MEDAG: variants seen among roughly 807,000 people sequenced by gnomAD.
MEDAG encodes the protein mesenteric estrogen dependent adipogenesis.
MEDAG carries 25 observed loss-of-function variants against 29.9 expected under a neutral mutation model. The ratio of observed to expected loss-of-function variants is 0.84; its 90% CI spans 0.61 to 1.17. The LOEUF is 1.17. MEDAG is among the 50% of genes most tolerant of loss of function. The pLI, the probability that MEDAG is intolerant of heterozygous loss-of-function variation, is 0.00. For missense variants in MEDAG, 398 were observed against 372.9 expected (o/e 1.07, Z -0.56); for synonymous variants, 158 against 148.2 (o/e 1.07, Z -0.48).
chr13:30,917,027 G>A (rs1275398223), intron 1 of MEDAG, among the ~76,000 whole-genome samples: 3 of 152,166 alleles, frequency 2.0e-5, no homozygotes, highest in African/African-American at 4.8e-5. Flanking sequence ...TGACTCCACT[G>A]GAGAAAATTC....
At chr13:30,910,759 A>G (rs1215601921) in intron 1 of MEDAG, among the ~76,000 whole-genome samples, 1 of 152,212 alleles carries the variant, frequency 6.6e-6, no homozygotes, top group Admixed American at 6.5e-5. Context: ...AATGCAGGTG[A>G]GGTGAAGCGG....
rs371697036 is a variant in MEDAG, at chr13:30,917,425, T to C, written c.301T>C (p.Cys101Arg). 39 of 1,605,868 alleles carry C rather than the reference T, an allele frequency of 2.4e-5. No homozygotes were observed. Among genetic ancestry groups the C allele is most frequent in the Non-Finnish European group, 3.2e-5 (38 of 1,172,608 alleles). The change falls in exon 2 of 5, where the codon TGT (cysteine) becomes CGT (arginine). Residue 101 changes from cysteine (C) to arginine (R), a missense_variant. Physicochemically the swap from Cys to Arg is radical, Grantham distance 180 (BLOSUM62 -3). Transcript: ENST00000380482. ...TAGGTATGTGGAACTGACCAACTAC[T>C]GTGATTATAAAGACTACAGGGAAAC... ...IKRYVELTNY[C>R]DYKDYRETIL...
Position 30,917,452 on chromosome 13 carries a change from A to G in MEDAG, c.328A>G (p.Ile110Val), listed in dbSNP as rs140189386. 2.4e-4 allele frequency: 388 copies of G among 1,612,122 alleles called. No homozygotes were observed. Among genetic ancestry groups the G allele is most frequent in the Non-Finnish European group, 3.5e-5 (41 of 1,178,268 alleles). The change falls in exon 2 of 5, where the codon ATA becomes GTA. Residue 110 changes from isoleucine to valine, a missense_variant. Physicochemically the swap from Ile to Val is conservative, Grantham distance 29 (BLOSUM62 3). Coordinates refer to ENST00000380482, the MANE Select transcript of MEDAG (RefSeq NM_032849.4). ...TGATTATAAAGACTACAGGGAAACT[A>G]TATTGAGCAAACCAATGTTGTTCTT... ...YCDYKDYRET[I>V]LSKPMLFFIN...
chr13:30,923,936 C>T (rs1452943893), intron 4 of MEDAG, among the ~76,000 whole-genome samples: 3 of 152,190 alleles, frequency 2.0e-5, no homozygotes, highest in Non-Finnish European at 2.9e-5. Flanking sequence ...CTGCTTGTCA[C>T]GTGGTCCAAA....
At chr13:30,919,265 A>T (rs937187783) in intron 2 of MEDAG, among the ~76,000 whole-genome samples, 3 of 152,250 alleles carry the variant, frequency 2.0e-5, no homozygotes, top group Non-Finnish European at 2.9e-5. Context: ...TTAAGGCAAT[A>T]TGTCTAGTCT....
At chr13:30,912,520 C>T (rs571085665) in intron 1 of MEDAG, among the ~76,000 whole-genome samples, 28 of 151,082 alleles carry the variant, frequency 1.9e-4, no homozygotes, top group African/African-American at 6.1e-4. Flanking sequence ...CACACACACA[C>T]ACACACACAC....
Position 30,924,323 on chromosome 13 carries a change from A to AC in MEDAG, c.800_801insC (p.Val268CysfsTer3), listed in dbSNP as rs749956979. On this transcript the variant is annotated frameshift_variant, in exon 5 of 5. Transcript: ENST00000380482. LOFTEE classifies it high-confidence loss of function. ...TACTGTTTTTTAGGTTCAATAGATG[A>AC]TGTTTTTAACTGCAATCTGTCACCC... is the stretch of plus-strand genomic sequence containing the variant. 7.3e-5 allele frequency: 118 copies of AC among 1,613,306 alleles called. 1 individual carries two copies. The highest frequency in any genetic ancestry group is 1.5e-4 in the African/African-American group (11 of 74,872).
intron 2 of MEDAG, among the ~76,000 whole-genome samples, chr13:30,918,876 C>A (rs1052752376): frequency 6.6e-6 from 1 of 152,132 alleles, no homozygotes; most frequent in Non-Finnish European, 1.5e-5. Flanking sequence ...CTGAAGCCCA[C>A]GTGTTCTTTG....
At chr13:30,917,272 T>C (rs978426338) in intron 1 of MEDAG, 131 bp from the exon 2 acceptor site, 10 of 685,720 alleles carry the variant, frequency 1.5e-5, no homozygotes, top group Non-Finnish European at 2.1e-5. Flanking sequence ...TATGGTGACC[T>C]CTGTAAGGAT....
rs61947582 is a variant in MEDAG, at chr13:30,917,370, G to A, written c.279-33G>A. On this transcript the variant is annotated intron_variant, in intron 1 of 4. Transcript: ENST00000380482. ...CTTCCTAATTTAGATGAAAGGGTAC[G>A]TTACATTTGCAATGATCTCTGCTTC... 34 of 1,244,856 alleles carry A rather than the reference G, an allele frequency of 2.7e-5. 1 individual carries two copies. The highest frequency in any genetic ancestry group is 1.9e-4 in the Middle Eastern group (1 of 5,360). 77.1% of individuals were successfully genotyped at this position (1,244,856 alleles called of 1,614,324 possible).
chr13:30,915,130 G>T (rs985865173), intron 1 of MEDAG, among the ~76,000 whole-genome samples: 1 of 152,010 alleles, frequency 6.6e-6, no homozygotes, highest in African/African-American at 2.4e-5. Flanking sequence ...TTTGCTACAG[G>T]GGTTTTCTTT....
rs147153405 is a variant in MEDAG, at chr13:30,918,370, A to T, written c.388+858A>T. On this transcript the variant is annotated intron_variant, in intron 2 of 4. Coordinates refer to ENST00000380482, the MANE Select transcript of MEDAG (RefSeq NM_032849.4). ...CTGACCCGGGCAAACTAGGATGCGT[A>T]ATTATCCCACTTAGGAGGTGCTTAC... 2.4e-3 allele frequency among the ~76,000 whole-genome samples: 373 copies of T among 152,320 alleles called. 1 individual carries two copies. The highest frequency in any genetic ancestry group is 4.0e-3 in the Non-Finnish European group (272 of 68,028).
At chr13:30,923,547 ATGTGTT>A (rs976000856) in intron 4 of MEDAG, among the ~76,000 whole-genome samples, 8 of 151,862 alleles carry the variant, frequency 5.3e-5, no homozygotes, top group African/African-American at 1.5e-4. Flanking sequence ...CCTCACAAAG[ATGTGTT>A]TGTGCTCTGC....
intron 1 of MEDAG, 107 bp from the exon 2 acceptor site, chr13:30,917,296 C>A (rs1418145281): frequency 2.7e-6 from 2 of 734,656 alleles, no homozygotes; most frequent in African/African-American, 1.8e-5. Flanking sequence ...TTTCAAGGAA[C>A]TTCCCTCCAA....
chr13:30,906,885 G>T (rs1343123222), intron 1 of MEDAG, 92 bp downstream of exon 1: 3 of 1,290,352 alleles, frequency 2.3e-6, no homozygotes, highest in Admixed American at 3.3e-5. Context: ...GGCTGTCCTC[G>T]CTGCCTGCGA....
At chr13:30,923,125 T>A (rs982580170) in intron 4 of MEDAG, among the ~76,000 whole-genome samples, 6 of 152,232 alleles carry the variant, frequency 3.9e-5, no homozygotes, top group Admixed American at 3.9e-4. Context: ...TTCACCCTGT[T>A]GGCCAGGCTG....
intron 2 of MEDAG, 36 bp from the exon 3 acceptor site, chr13:30,920,978 C>A: frequency 6.5e-7 from 1 of 1,539,744 alleles, no homozygotes; most frequent in South Asian, 1.1e-5. Flanking sequence ...GTCACATGGA[C>A]ACACTTGTTT....
At chr13:30,923,958 C>T (rs564528646) in intron 4 of MEDAG, among the ~76,000 whole-genome samples, 28 of 152,318 alleles carry the variant, frequency 1.8e-4, no homozygotes, top group African/African-American at 2.2e-4. Context: ...CTGGCACCCA[C>T]GACAGGCAGA....
Position 30,906,504 on chromosome 13 carries a change from G to A in MEDAG, c.-12G>A, listed in dbSNP as rs1297727332. 2 of 1,503,008 alleles carry A rather than the reference G, an allele frequency of 1.3e-6. No homozygotes were observed. The highest frequency in any genetic ancestry group is 1.3e-5 in the South Asian group (1 of 76,816). 93.1% of individuals were successfully genotyped at this position (1,503,008 alleles called of 1,614,324 possible). On this transcript the variant is annotated 5_prime_UTR_variant, in exon 1 of 5. Transcript: ENST00000380482. ...GACGGAAGCAGGCGGTGTGAGGACCGACGACGCGGGCATGGCGGGGGCGGC... is the reference window on the plus strand; with the variant it reads ...GACGGAAGCAGGCGGTGTGAGGACCAACGACGCGGGCATGGCGGGGGCGGC...
Sources: gnomAD v4.1 joint callset for allele counts (sites outside exome capture counted in the v4.1 genomes callset) on GRCh38, gnomAD v4.1.1 for gene constraint, MANE v1.5 for transcripts, NCBI Gene and HGNC (gene_info 2026-07-23, HGNC 2026-07-21) for gene names.